Variants in ELAVL2 observed in about 807,000 individuals in gnomAD.
The protein encoded by ELAVL2 is ELAV like RNA binding protein 2, also known as ELAV-like protein 2.
A neutral mutation model predicts 34.6 loss-of-function variants in ELAVL2; 4 were observed. The observed-to-expected ratio is 0.12, with a 90% CI of 0.06 to 0.26. ELAVL2 has a LOEUF of 0.26. Ranked by LOEUF, ELAVL2 falls within the 10% of genes least tolerant of loss-of-function variation. The pLI, the probability that ELAVL2 is intolerant of heterozygous loss-of-function variation, is 1.00. For synonymous variants in ELAVL2, 193 were observed against 154.8 expected (o/e 1.25, Z -1.83); for missense variants, 432 against 442.8 (o/e 0.98, Z 0.22).
chr9:23,739,894 C>T (rs2048758983), intron 2 of ELAVL2, among the ~76,000 whole-genome samples: 2 of 151,988 alleles, frequency 1.3e-5, no homozygotes, highest in African/African-American at 4.8e-5. Context: ...TCAGATACCA[C>T]AAGAAACAAA....
rs1017552308 is a variant in ELAVL2 at position 23,691,336 on chromosome 9, C to T, written c.*1221G>A. ...ACAAAGCTCAGGTGTTAGCCTTGAA[C>T]GTAACTTTCAAAATACCTTCAAATA... On this transcript the variant is annotated 3_prime_UTR_variant, in exon 7 of 7. Transcript: ENST00000397312. 1.3e-5 allele frequency: 2 copies of T among 152,544 alleles called. No homozygotes were observed. The highest frequency in any genetic ancestry group is 6.6e-5 in the Admixed American group (1 of 15,264). 9.4% of individuals were successfully genotyped at this position (152,544 alleles called of 1,614,324 possible).
intron 3 of ELAVL2, among the ~76,000 whole-genome samples, chr9:23,723,441 C>T (rs1026853320): frequency 6.6e-6 from 1 of 151,894 alleles, no homozygotes; most frequent in Non-Finnish European, 1.5e-5. Flanking sequence ...GGAGGGATAG[C>T]ATTAGGAGAT....
chr9:23,700,354 T>C (rs1313828591), intron 5 of ELAVL2, among the ~76,000 whole-genome samples: 1 of 152,232 alleles, frequency 6.6e-6, no homozygotes, highest in Non-Finnish European at 1.5e-5. Flanking sequence ...TCTGCTCTGC[T>C]TAACTTCTTA....
chr9:23,767,715 G>A (rs540726182), intron 1 of ELAVL2, among the ~76,000 whole-genome samples: 8 of 152,276 alleles, frequency 5.3e-5, no homozygotes, highest in Non-Finnish European at 1.5e-5. Context: ...GGAGGTTGCA[G>A]TCAGCAGAGA....
chr9:23,778,190 G>A (rs1225576710), intron 1 of ELAVL2, among the ~76,000 whole-genome samples: 1 of 152,148 alleles, frequency 6.6e-6, no homozygotes, highest in African/African-American at 2.4e-5. Context: ...AATGGACTCT[G>A]CTTAAATAAA....
At chr9:23,752,498 C>G (rs1411249472) in intron 2 of ELAVL2, among the ~76,000 whole-genome samples, 1 of 151,804 alleles carries the variant, frequency 6.6e-6, no homozygotes, top group Non-Finnish European at 1.5e-5. Context: ...TAGAGTCTCC[C>G]TCTGTCATCC....
chr9:23,720,736 G>T (rs1033724287), intron 3 of ELAVL2, among the ~76,000 whole-genome samples: 1 of 152,090 alleles, frequency 6.6e-6, no homozygotes, highest in East Asian at 1.9e-4. Flanking sequence ...TTTTTTACAA[G>T]TAGACTTGTT....
chr9:23,755,165 G>A (rs2053237598), intron 2 of ELAVL2, among the ~76,000 whole-genome samples: 1 of 152,078 alleles, frequency 6.6e-6, no homozygotes, highest in Non-Finnish European at 1.5e-5. Flanking sequence ...CAAAAATTGT[G>A]TGCCATTTCT....
chr9:23,751,002 T>G (rs1360585907), intron 2 of ELAVL2, among the ~76,000 whole-genome samples: 1 of 152,146 alleles, frequency 6.6e-6, no homozygotes, highest in Non-Finnish European at 1.5e-5. Flanking sequence ...GGATTTGACT[T>G]TCTCAGTATT....
At position 23,719,785 on chromosome 9, in the gene ELAVL2, T is replaced by C. The variant is rs1204403959; in HGVS notation, c.333+11237A>G. 4.0e-5 allele frequency among the ~76,000 whole-genome samples: 6 copies of C among 150,362 alleles called. No individual in the cohort carries two copies. The South Asian group carries it at 6.3e-4, about 16-fold the overall frequency. ...GAAGAGGGGTTTGGTTGGCAGGCTA[T>C]AAAAATAAGACAAATTTTTATTAAA... On this transcript the variant is annotated intron_variant, in intron 3 of 6. Coordinates refer to ENST00000397312, the MANE Select transcript of ELAVL2 (RefSeq NM_004432.5).
intron 1 of ELAVL2, among the ~76,000 whole-genome samples, chr9:23,824,576 C>G (rs2065168052): frequency 6.6e-6 from 1 of 152,126 alleles, no homozygotes; most frequent in East Asian, 1.9e-4. Flanking sequence ...ACCCACACCC[C>G]CTCGTGCCAA....
chr9:23,808,496 G>A (rs1169617926), intron 1 of ELAVL2, among the ~76,000 whole-genome samples: 1 of 152,062 alleles, frequency 6.6e-6, no homozygotes, highest in Non-Finnish European at 1.5e-5. Context: ...TAAAGTACTG[G>A]GGGGCAGAAA....
chr9:23,736,353 G>A (rs1391519883), intron 2 of ELAVL2, among the ~76,000 whole-genome samples: 1 of 151,946 alleles, frequency 6.6e-6, no homozygotes, highest in Non-Finnish European at 1.5e-5. Flanking sequence ...CATACTTTTT[G>A]CTAGGCCCTG....
At chr9:23,718,696 A>C (rs2042924355) in intron 3 of ELAVL2, among the ~76,000 whole-genome samples, 1 of 152,234 alleles carries the variant, frequency 6.6e-6, no homozygotes, top group Non-Finnish European at 1.5e-5. Flanking sequence ...GCAACTATGA[A>C]AAATTTATTC....
At chr9:23,795,947 A>T (rs547710728) in intron 1 of ELAVL2, among the ~76,000 whole-genome samples, 1 of 152,362 alleles carries the variant, frequency 6.6e-6, no homozygotes, top group East Asian at 1.9e-4. Flanking sequence ...GGAAAAATGC[A>T]TAAGTGGATG....
At chr9:23,800,182 T>A (rs553984587) in intron 1 of ELAVL2, among the ~76,000 whole-genome samples, 3 of 152,280 alleles carry the variant, frequency 2.0e-5, no homozygotes, top group African/African-American at 7.2e-5. Flanking sequence ...CAATCAACCT[T>A]TCATTATTCC....
chr9:23,776,345 G>A (rs1484875811), intron 1 of ELAVL2, among the ~76,000 whole-genome samples: 1 of 152,126 alleles, frequency 6.6e-6, no homozygotes, highest in Non-Finnish European at 1.5e-5. Flanking sequence ...AGGAACCAGG[G>A]ACAGGTGTGT....
chr9:23,818,920 A>C (rs1221330688), intron 1 of ELAVL2, among the ~76,000 whole-genome samples: 1 of 152,216 alleles, frequency 6.6e-6, no homozygotes. Context: ...TGCAATGCCA[A>C]TAATGCCTGA....
intron 3 of ELAVL2, among the ~76,000 whole-genome samples, chr9:23,713,020 G>A (rs1033167135): frequency 4.6e-5 from 7 of 152,178 alleles, no homozygotes; most frequent in Admixed American, 1.3e-4. Context: ...ACTGCACTGA[G>A]TGTGGTTTAT....
Sources: allele counts gnomAD v4.1 joint callset (sites outside exome capture counted in the v4.1 genomes callset), GRCh38; gene constraint gnomAD v4.1.1; transcripts MANE v1.5; gene names NCBI Gene and HGNC (gene_info 2026-07-23, HGNC 2026-07-21).